Variants in SBNO1 observed in about 807,000 individuals in gnomAD.
SBNO1 encodes protein strawberry notch homolog 1.
In SBNO1, 23 loss-of-function variants were observed where a neutral mutation model predicts 173.6. That is an observed-to-expected ratio of 0.13 (90% CI 0.10 to 0.19). The LOEUF is 0.19. SBNO1 is among the 10% of genes least tolerant of loss of function. The probability of loss-of-function intolerance (pLI) is 1.00; values close to 1 mark genes in which losing one functional copy is unlikely to be tolerated. For synonymous variants in SBNO1, 632 were observed against 571.5 expected (o/e 1.11, Z -1.51); for missense variants, 1,238 against 1,671.2 (o/e 0.74, Z 4.52).
At chr12:123,363,988 T>C (rs1875747207) in intron 1 of SBNO1, 1 of 985,356 alleles carries the variant, frequency 1.0e-6, no homozygotes, top group South Asian at 4.7e-5. Context: ...TGGATGCTCG[T>C]TATGCCAAAC....
At position 123,294,662 on chromosome 12, in the gene SBNO1, G is replaced by GAAAA. The variant is rs1167837750; in HGVS notation, c.*1242_*1245dup. The GAAAA allele has an allele frequency of 1.2e-5, 1 of 83,664 alleles. No homozygotes were observed. The highest frequency in any genetic ancestry group is 1.4e-4 in the Admixed American group (1 of 7,078). 5.2% of individuals were successfully genotyped at this position (83,664 alleles called of 1,614,324 possible). A position where few individuals can be genotyped will look rare whatever the true frequency, so the allele number is the denominator to read the frequency against. On this transcript the variant is annotated 3_prime_UTR_variant, in exon 32 of 32. Transcript: ENST00000602398. Reference sequence around the variant, plus strand: ...AAAAAAAAAAAAAAAAAAAAAAAAAGAAAAAAAGAAAAGAAAGAAAAAGAA... The same window carrying GAAAA: ...AAAAAAAAAAAAAAAAAAAAAAAAAGAAAAAAAAAAAGAAAAGAAAGAAAAAGAA...
At chr12:123,340,910 T>C (rs1872486213) in intron 5 of SBNO1, 78 bp downstream of exon 5, 4 of 874,982 alleles carry the variant, frequency 4.6e-6, no homozygotes, top group South Asian at 1.5e-5. Flanking sequence ...TTTCTGAGGG[T>C]TGTTCCATAT....
At chr12:123,338,117 C>T (rs1304546936) in intron 5 of SBNO1, among the ~76,000 whole-genome samples, 1 of 152,302 alleles carries the variant, frequency 6.6e-6, no homozygotes, top group East Asian at 1.9e-4. Context: ...CACTACACAA[C>T]GCTGGGCAAA....
chr12:123,316,271 G>A (rs1420857042), intron 21 of SBNO1, among the ~76,000 whole-genome samples: 1 of 152,186 alleles, frequency 6.6e-6, no homozygotes, highest in East Asian at 1.9e-4. Context: ...GTTGCCAAAG[G>A]TAGAGTGCAA....
chr12:123,332,035 T>C (rs902110318), intron 7 of SBNO1, among the ~76,000 whole-genome samples: 1 of 148,244 alleles, frequency 6.7e-6, no homozygotes, highest in Non-Finnish European at 1.5e-5. Flanking sequence ...GTATTTTTAG[T>C]AGACAGGGTT....
chr12:123,328,736 C>A lies in SBNO1; in HGVS notation c.1294G>T (p.Val432Leu), dbSNP rs1403747293. ...LHWCGDDFDG[V>L]IVFDECHKAK... ...AAAATATTTGCCATAAAGGATACCA[C>A]TCCATCGAAGTCATCACCGCACCAA... The change falls in exon 10 of 32, where the codon GTG (valine) becomes TTG (leucine). Residue 432 changes from valine (V) to leucine (L), a missense_variant and splice_region_variant. Val to Leu is a conservative substitution (Grantham distance 32). Coordinates refer to ENST00000602398, the MANE Select transcript of SBNO1 (RefSeq NM_001167856.3). The A allele has an allele frequency of 2.6e-6, 4 of 1,544,852 alleles. No individual in the cohort carries two copies. Among genetic ancestry groups the A allele is most frequent in the South Asian group, 1.2e-5 (1 of 80,298 alleles).
At chr12:123,311,173 G>A (rs1191850540) in intron 24 of SBNO1, 44 bp from the exon 25 acceptor site, 2 of 1,392,158 alleles carry the variant, frequency 1.4e-6, no homozygotes, top group South Asian at 2.3e-5. Context: ...TACAAGGGAT[G>A]TCTACAATGT....
At chr12:123,361,898 T>C (rs1378992498) in intron 1 of SBNO1, among the ~76,000 whole-genome samples, 2 of 151,856 alleles carry the variant, frequency 1.3e-5, no homozygotes, top group African/African-American at 4.8e-5. Context: ...CCCAGCACTT[T>C]GGGAGGCCGA....
Position 123,329,438 on chromosome 12 carries a change from A to C in SBNO1, c.1135-543T>G, listed in dbSNP as rs377357948. The stretch of plus-strand genomic sequence containing the variant: ...AAAACTTTTATCATCACAAAAAAAA[A>C]CATTAAAAACCAGACAAACTTCCCT... On this transcript the variant is annotated intron_variant, in intron 9 of 31. Transcript: ENST00000602398. Among the ~76,000 whole-genome samples, 26 of 151,908 alleles carry C rather than the reference A, an allele frequency of 1.7e-4. 1 individual carries two copies. Among genetic ancestry groups the C allele is most frequent in the African/African-American group, 5.1e-4 (21 of 41,424 alleles).
chr12:123,334,001 T>C (rs1256925932), intron 7 of SBNO1, 52 bp downstream of exon 7: 1 of 1,213,574 alleles, frequency 8.2e-7, no homozygotes, highest in African/African-American at 1.6e-5. Flanking sequence ...AACAACTCTG[T>C]TATATAGAAT....
Position 123,326,189 on chromosome 12 carries a change from A to G in SBNO1, c.1838T>C (p.Val613Ala), listed in dbSNP as rs1281671148. 1.9e-5 allele frequency: 30 copies of G among 1,611,226 alleles called. No individual in the cohort carries two copies. Among genetic ancestry groups the G allele is most frequent in the African/African-American group, 4.0e-5 (3 of 74,948 alleles). Residue 613 changes from valine to alanine, a missense_variant, in exon 14 of 32, where the codon GTT becomes GCT. Around this residue, in one of 14 missense-constraint regions of SBNO1, gnomAD observed 182 missense variants for 339.9 expected, o/e 0.54. Transcript: ENST00000602398. ...YLCIASKVKRVVQLAREEIKN... is the reference protein window; with the variant it reads ...YLCIASKVKRAVQLAREEIKN... ...GATTTCCTCTCGAGCTAGTTGCACA[A>G]CCCTTTTAACTTTGGATGCTATGCA...
chr12:123,323,169 C>A (rs1021130161), intron 16 of SBNO1, among the ~76,000 whole-genome samples: 1 of 152,180 alleles, frequency 6.6e-6, no homozygotes, highest in Non-Finnish European at 1.5e-5. Context: ...ACACTGCCAA[C>A]CACCAGTGAA....
intron 9 of SBNO1, among the ~76,000 whole-genome samples, chr12:123,329,248 G>A (rs1396075668): frequency 6.6e-6 from 1 of 152,098 alleles, no homozygotes; most frequent in African/African-American, 2.4e-5. Flanking sequence ...AGGCATCGTG[G>A]TGCGTGTCTG....
chr12:123,337,668 A>T (rs1212788785), intron 5 of SBNO1, among the ~76,000 whole-genome samples: 1 of 152,222 alleles, frequency 6.6e-6, no homozygotes, highest in Non-Finnish European at 1.5e-5. Context: ...CAATTTCGGA[A>T]ATTCGAGACA....
rs1047565030 is a variant in SBNO1 at position 123,290,725 on chromosome 12, T to C, written c.*5183A>G. The C allele has an allele frequency of 6.6e-5, 10 of 151,998 alleles. No individual in the cohort carries two copies. Among genetic ancestry groups the C allele is most frequent in the African/African-American group, 2.4e-4 (10 of 41,422 alleles). 9.4% of individuals were successfully genotyped at this position (151,998 alleles called of 1,614,324 possible). A position where few individuals can be genotyped will look rare whatever the true frequency, so the allele number is the denominator to read the frequency against. On this transcript the variant is annotated 3_prime_UTR_variant, in exon 32 of 32. Transcript: ENST00000602398. ...TCTCTTTTGGAGGACAATTGTTCCT[T>C]AATGTACATTCTCTCTCTTTTTTTT... is the stretch of plus-strand genomic sequence containing the variant.
intron 30 of SBNO1, 65 bp from the exon 31 acceptor site, chr12:123,298,236 G>C: frequency 1.4e-6 from 2 of 1,420,446 alleles, no homozygotes; most frequent in African/African-American, 1.5e-5. Context: ...GTTTCTAAAA[G>C]ATTTACAAGG....
At chr12:123,355,369 G>A (rs968167241) in intron 1 of SBNO1, among the ~76,000 whole-genome samples, 1 of 152,054 alleles carries the variant, frequency 6.6e-6, no homozygotes, top group Non-Finnish European at 1.5e-5. Context: ...ATAAAAAAAC[G>A]CTGGGCACGG....
At chr12:123,347,898 C>G (rs1873398569) in intron 3 of SBNO1, 131 bp downstream of exon 3, 1 of 474,786 alleles carries the variant, frequency 2.1e-6, no homozygotes, top group East Asian at 3.7e-5. Context: ...AATTCCTCGG[C>G]TCAAGCAATC....
At position 123,307,145 on chromosome 12, in the gene SBNO1, C is replaced by T. The variant is rs182685511; in HGVS notation, c.3630+2165G>A. Among the ~76,000 whole-genome samples the T allele has an allele frequency of 6.1e-4, 92 of 151,492 alleles. 1 individual carries two copies. Among genetic ancestry groups the T allele is most frequent in the African/African-American group, 2.0e-3 (81 of 41,288 alleles). On this transcript the variant is annotated intron_variant, in intron 28 of 31. Transcript: ENST00000602398. ...TTGAAGCTGCAGTGAGCCATGATCA[C>T]GCACGCCACTGCTTATCAGCCTGGG...
Sources: gnomAD v4.1 joint callset for allele counts (sites outside exome capture counted in the v4.1 genomes callset) on GRCh38, gnomAD v4.1.1 for gene constraint, gnomAD v4.1.1 regional missense constraint, MANE v1.5 for transcripts, NCBI Gene and HGNC (gene_info 2026-07-23, HGNC 2026-07-21) for gene names.